CTNND2: variants seen among roughly 807,000 people sequenced by gnomAD.
CTNND2 encodes the protein catenin delta 2.
In CTNND2, 22 loss-of-function variants were observed where a neutral mutation model predicts 144.4. The ratio of observed to expected loss-of-function variants is 0.15; its 90% CI spans 0.11 to 0.22. The LOEUF is 0.22. Among genes scored for constraint, CTNND2 ranks in the 10% least tolerant of loss-of-function variants. CTNND2 has a pLI of 1.00. For missense variants in CTNND2, 1,353 were observed against 1,618.8 expected (o/e 0.84, Z 2.82); for synonymous variants, 751 against 695.6 (o/e 1.08, Z -1.25).
chr5:11,252,974 T>A (rs1261101353), intron 9 of CTNND2, among the ~76,000 whole-genome samples: 2 of 152,228 alleles, frequency 1.3e-5, no homozygotes, highest in African/African-American at 2.4e-5. Context: ...AGAGATATTT[T>A]ATGTTGCTGA....
At chr5:11,640,706 A>G (rs567616229) in intron 2 of CTNND2, among the ~76,000 whole-genome samples, 42 of 152,292 alleles carry the variant, frequency 2.8e-4, no homozygotes, top group Admixed American at 1.7e-3. Context: ...GACACGCAAA[A>G]ACAGAGAACA....
At chr5:11,062,368 C>A (rs191437559) in intron 16 of CTNND2, among the ~76,000 whole-genome samples, 1 of 152,190 alleles carries the variant, frequency 6.6e-6, no homozygotes. Context: ...AATAATGATA[C>A]TCTATATGAA....
At chr5:11,729,607 C>T (rs758964464) in intron 2 of CTNND2, among the ~76,000 whole-genome samples, 4 of 152,074 alleles carry the variant, frequency 2.6e-5, no homozygotes, top group Non-Finnish European at 5.9e-5. Flanking sequence ...CCAAGCCATC[C>T]GTATTTTTGG....
Position 11,159,777 on chromosome 5 carries a change from A to G in CTNND2, c.1976-18T>C, listed in dbSNP as rs774728145. 5.8e-6 allele frequency: 9 copies of G among 1,545,582 alleles called. No individual in the cohort carries two copies. The highest frequency in any genetic ancestry group is 7.9e-6 in the Non-Finnish European group (9 of 1,144,296). ...AAGGACTCCTGCAAGAGACACACAA[A>G]AAGAGGTTTTGGGTGGCCACAAGTT... On this transcript the variant is annotated intron_variant, in intron 11 of 21. Transcript: ENST00000304623.
intron 2 of CTNND2, among the ~76,000 whole-genome samples, chr5:11,712,937 T>C (rs1786116729): frequency 6.6e-6 from 1 of 152,218 alleles, no homozygotes; most frequent in African/African-American, 2.4e-5. Context: ...GAGGTATTTT[T>C]TGATAATATA....
At chr5:11,680,593 C>T (rs778079482) in intron 2 of CTNND2, among the ~76,000 whole-genome samples, 9 of 152,134 alleles carry the variant, frequency 5.9e-5, no homozygotes, top group Non-Finnish European at 1.2e-4. Context: ...AATTATCATA[C>T]TAAAATGTGC....
At chr5:11,382,625 G>C (rs934548825) in intron 7 of CTNND2, among the ~76,000 whole-genome samples, 2 of 151,426 alleles carry the variant, frequency 1.3e-5, no homozygotes, top group Admixed American at 1.3e-4. Context: ...GTGTGTGTGT[G>C]TGTGTGTGTG....
rs771916030 is a variant in CTNND2, at chr5:10,989,208, G to A, written c.3212-966C>T. On this transcript the variant is annotated intron_variant, in intron 19 of 21. Coordinates refer to ENST00000304623, the MANE Select transcript of CTNND2 (RefSeq NM_001332.4). ...TGGGAGAGGTTGGCAGGAGCCATGCGTCTGGGTGAGGGGGCAGCTGGTCGC... is the reference window on the plus strand; with the variant it reads ...TGGGAGAGGTTGGCAGGAGCCATGCATCTGGGTGAGGGGGCAGCTGGTCGC... Among the ~76,000 whole-genome samples the A allele has an allele frequency of 3.3e-5, 5 of 152,346 alleles. No individual in the cohort carries two copies. In the South Asian group the frequency reaches 8.3e-4, roughly 25 times the overall value.
intron 9 of CTNND2, among the ~76,000 whole-genome samples, chr5:11,263,964 G>A (rs767719266): frequency 6.6e-5 from 10 of 152,144 alleles, no homozygotes; most frequent in South Asian, 2.1e-4. Context: ...ATTTGAAATC[G>A]TCTTCCCTCT....
Position 11,136,894 on chromosome 5 carries a change from G to A in CTNND2, c.2160-19327C>T, listed in dbSNP as rs569356559. On this transcript the variant is annotated intron_variant, in intron 12 of 21. Coordinates refer to ENST00000304623, the MANE Select transcript of CTNND2 (RefSeq NM_001332.4). ...CTCATCATTCAAGTCTTTTCCTTAGGAGGGCTTTCCCTGATCCCCTGACCA... is the reference window on the plus strand; with the variant it reads ...CTCATCATTCAAGTCTTTTCCTTAGAAGGGCTTTCCCTGATCCCCTGACCA... 2.0e-5 allele frequency among the ~76,000 whole-genome samples: 3 copies of A among 152,280 alleles called. No individual in the cohort carries two copies. In the South Asian group the frequency reaches 6.2e-4, roughly 32 times the overall value.
chr5:11,034,669 T>C (rs1444330729), intron 16 of CTNND2, among the ~76,000 whole-genome samples: 1 of 152,204 alleles, frequency 6.6e-6, no homozygotes, highest in South Asian at 2.1e-4. Context: ...AACTGTCTCC[T>C]AGCCTTCTCT....
intron 3 of CTNND2, among the ~76,000 whole-genome samples, chr5:11,422,643 A>G (rs993731192): frequency 2.6e-5 from 4 of 152,054 alleles, no homozygotes; most frequent in African/African-American, 9.7e-5. Flanking sequence ...GAGAATTCAC[A>G]TTAAATTCTG....
chr5:11,648,843 G>A (rs1032788720), intron 2 of CTNND2, among the ~76,000 whole-genome samples: 1 of 152,140 alleles, frequency 6.6e-6, no homozygotes, highest in Non-Finnish European at 1.5e-5. Context: ...GGTACTGATA[G>A]AGAGAAGATC....
At chr5:11,218,122 T>A (rs1379700184) in intron 10 of CTNND2, among the ~76,000 whole-genome samples, 2 of 151,846 alleles carry the variant, frequency 1.3e-5, no homozygotes, top group Non-Finnish European at 2.9e-5. Flanking sequence ...TTTTTTCTAA[T>A]GGGACTTAAC....
chr5:11,877,999 C>A (rs1240872623), intron 1 of CTNND2, among the ~76,000 whole-genome samples: 1 of 151,968 alleles, frequency 6.6e-6, no homozygotes, highest in Non-Finnish European at 1.5e-5. Context: ...ATAAATATAT[C>A]TTGTGTATAA....
chr5:11,457,209 C>T (rs575129899), intron 3 of CTNND2, among the ~76,000 whole-genome samples: 2 of 152,068 alleles, frequency 1.3e-5, no homozygotes, highest in African/African-American at 4.8e-5. Flanking sequence ...TAAGACCAGC[C>T]TGGGCAACAT....
intron 18 of CTNND2, among the ~76,000 whole-genome samples, chr5:11,004,752 G>A (rs1740302056): frequency 1.6e-5 from 2 of 128,306 alleles, no homozygotes; most frequent in South Asian, 5.0e-4. Context: ...TGGGCAACAA[G>A]AGTGAAACTC....
intron 3 of CTNND2, among the ~76,000 whole-genome samples, chr5:11,419,499 C>T (rs1218537190): frequency 2.0e-5 from 3 of 152,124 alleles, no homozygotes; most frequent in Non-Finnish European, 4.4e-5. Flanking sequence ...ACTTCTTTTT[C>T]CATTTCATAT....
Position 11,110,938 on chromosome 5 carries a change from A to C in CTNND2, c.2383T>G (p.Cys795Gly). The change falls in exon 14 of 22, where the codon TGT becomes GGT. Residue 795 changes from cysteine (C) to glycine (G), a missense_variant. Transcript: ENST00000304623. The stretch of plus-strand genomic sequence containing the variant: ...GCATCCTTGCCATTGGCCTCGCCAC[A>C]GAGTAGCCCGTCCAGCTCGTCCGTG... Reference protein sequence around the residue: ...MGTDELDGLLCGEANGKDAES... With the variant: ...MGTDELDGLLGGEANGKDAES... 6.2e-7 allele frequency: 1 copy of C among 1,614,158 alleles called. No individual in the cohort carries two copies. The highest frequency in any genetic ancestry group is 8.5e-7 in the Non-Finnish European group (1 of 1,180,022).
Sources: allele counts gnomAD v4.1 joint callset (sites outside exome capture counted in the v4.1 genomes callset), GRCh38; gene constraint gnomAD v4.1.1; transcripts MANE v1.5; gene names NCBI Gene and HGNC (gene_info 2026-07-23, HGNC 2026-07-21).